SDK1: variants seen among roughly 807,000 people sequenced by gnomAD.
SDK1 encodes sidekick cell adhesion molecule 1.
A neutral mutation model predicts 245.5 loss-of-function variants in SDK1; 157 were observed. That is an observed-to-expected ratio of 0.64 (90% confidence interval 0.56 to 0.73). SDK1 has a LOEUF of 0.73. Ranked by LOEUF, SDK1 falls within the 30% of genes least tolerant of loss-of-function variation. SDK1 has a pLI of 0.00. For synonymous variants in SDK1, 1,647 were observed against 1,278.5 expected (o/e 1.29, Z -6.15); for missense variants, 3,583 against 3,002.3 (o/e 1.19, Z -4.52).
chr7:4,064,438 A>C (rs1028751760), intron 19 of SDK1, among the ~76,000 whole-genome samples: 1 of 152,242 alleles, frequency 6.6e-6, no homozygotes, highest in African/African-American at 2.4e-5. Context: ...AATCATGTGG[A>C]GAACAGGGAA....
At chr7:4,213,496 A>G (rs1289972983) in intron 38 of SDK1, among the ~76,000 whole-genome samples, 1 of 151,714 alleles carries the variant, frequency 6.6e-6, no homozygotes, top group Non-Finnish European at 1.5e-5. Context: ...GAGGCAGGAG[A>G]ATGGGTTGAA....
At chr7:3,495,711 G>A (rs1014120535) in intron 1 of SDK1, among the ~76,000 whole-genome samples, 1 of 152,210 alleles carries the variant, frequency 6.6e-6, no homozygotes, top group African/African-American at 2.4e-5. Flanking sequence ...TTCAGTGTTA[G>A]CTCCCTCCCT....
chr7:3,474,960 G>A (rs1006853268), intron 1 of SDK1, among the ~76,000 whole-genome samples: 2 of 152,086 alleles, frequency 1.3e-5, no homozygotes, highest in African/African-American at 4.8e-5. Context: ...CAAAATTCTG[G>A]AATTGCAGGT....
At chr7:3,936,309 C>A (rs773396727) in intron 5 of SDK1, among the ~76,000 whole-genome samples, 23 of 151,914 alleles carry the variant, frequency 1.5e-4, no homozygotes, top group Non-Finnish European at 3.1e-4. Context: ...GGGCCGGGCA[C>A]GGTGGCTCAC....
rs187164965 is a variant in SDK1, at chr7:3,675,421, A to G, written c.713+33316A>G. Among the ~76,000 whole-genome samples the G allele has an allele frequency of 1.4e-3, 207 of 152,266 alleles. 1 individual carries two copies. Among genetic ancestry groups the G allele is most frequent in the African/African-American group, 4.8e-3 (201 of 41,548 alleles). On this transcript the variant is annotated intron_variant, in intron 4 of 44. Transcript: ENST00000404826. ...TTAGCTAATCTTTTTTTAGAATGTA[A>G]GTTAGATCATGTCAGTCTTCAAAAT...
intron 17 of SDK1, among the ~76,000 whole-genome samples, chr7:4,019,870 G>C (rs929887330): frequency 2.6e-5 from 4 of 152,072 alleles, no homozygotes; most frequent in Non-Finnish European, 5.9e-5. Context: ...GCCCTCCCTT[G>C]TTCCCTTTTA....
chr7:3,539,233 A>G (rs1452078121), intron 1 of SDK1, among the ~76,000 whole-genome samples: 1 of 152,166 alleles, frequency 6.6e-6, no homozygotes, highest in Non-Finnish European at 1.5e-5. Flanking sequence ...GAGTTGGAGC[A>G]TGGCTATAAA....
chr7:3,690,965 A>C (rs2195867), intron 4 of SDK1, among the ~76,000 whole-genome samples: 41,336 of 152,112 alleles, frequency 0.27, 8,507 homozygotes, highest in African/African-American at 0.57. Context: ...GGACTCTGTG[A>C]CCTTCTAGAA....
At chr7:4,021,094 C>T (rs1267543027) in intron 17 of SDK1, among the ~76,000 whole-genome samples, 2 of 152,128 alleles carry the variant, frequency 1.3e-5, no homozygotes, top group African/African-American at 4.8e-5. Context: ...GATGTGAGCA[C>T]CTGCAGTTTG....
At chr7:4,220,067 C>A (rs1460014798) in intron 38 of SDK1, 42 bp from the exon 39 acceptor site, 1 of 1,596,510 alleles carries the variant, frequency 6.3e-7, no homozygotes, top group Non-Finnish European at 8.6e-7. Context: ...GTTGCTTCTC[C>A]AGGCTGAACC....
intron 1 of SDK1, among the ~76,000 whole-genome samples, chr7:3,392,730 TTAA>T (rs1483271736): frequency 6.6e-6 from 1 of 152,148 alleles, no homozygotes; most frequent in African/African-American, 2.4e-5. Context: ...CCTAACTTAT[TTAA>T]TAATTTTATT....
rs1785907621 is a variant in SDK1, at chr7:4,011,042, T to C, written c.2208T>C (p.Ala736=). 1 of 1,614,040 alleles carries C rather than the reference T, an allele frequency of 6.2e-7. No homozygotes were observed. Residue 736 remains alanine, a synonymous_variant, in exon 15 of 45, where the codon GCT becomes GCC. Transcript: ENST00000404826. ...TCACCGTGAGTGGCCTGACTCCGGC[T>C]CGTACCTATCAATTCCGGGTGTGCG... ...TGVTVSGLTP[A]RTYQFRVCAV...
chr7:3,813,178 G>GTATATGTATATGTA (rs1273048906), intron 4 of SDK1, among the ~76,000 whole-genome samples: 1 of 149,926 alleles, frequency 6.7e-6, no homozygotes, highest in Non-Finnish European at 1.5e-5. Context: ...AGTTACATAT[G>GTATATGTATATGTA]TATACATGTG....
Position 3,587,135 on chromosome 7 carries a change from C to G in SDK1, c.299-31945C>G, listed in dbSNP as rs138228183. On this transcript the variant is annotated intron_variant, in intron 1 of 44. Coordinates refer to ENST00000404826, the MANE Select transcript of SDK1 (RefSeq NM_152744.4). The stretch of plus-strand genomic sequence containing the variant: ...AGGGTCCAGAAACAATGGCTAAGTC[C>G]TAACAGAACTCTGCTGTGGACCTAG... Among the ~76,000 whole-genome samples the G allele has an allele frequency of 5.7e-3, 873 of 152,246 alleles. 5 individuals carry two copies. The highest frequency in any genetic ancestry group is 9.3e-3 in the Non-Finnish European group (634 of 68,008).
intron 1 of SDK1, among the ~76,000 whole-genome samples, chr7:3,414,533 GA>G (rs1340867148): frequency 2.0e-5 from 3 of 152,152 alleles, no homozygotes; most frequent in Non-Finnish European, 4.4e-5. Flanking sequence ...CACAAAAAAT[GA>G]AGTTGGCAAA....
chr7:3,403,869 A>T lies in SDK1; in HGVS notation c.298+101985A>T, dbSNP rs867746862. Among the ~76,000 whole-genome samples the T allele has an allele frequency of 6.9e-4, 61 of 88,890 alleles. 1 individual carries two copies. Among genetic ancestry groups the T allele is most frequent in the African/African-American group, 2.2e-3 (50 of 22,252 alleles). The allele number at this position is 88,890 out of a possible 152,430, so 58.3% of individuals were successfully genotyped here. On this transcript the variant is annotated intron_variant, in intron 1 of 44. Transcript: ENST00000404826. ...TATATATATATATATATATATATATAATATATATATTTATTTATATTATAT... is the reference window on the plus strand; with the variant it reads ...TATATATATATATATATATATATATTATATATATATTTATTTATATTATAT...
At chr7:4,043,100 A>C (rs1218842327) in intron 17 of SDK1, among the ~76,000 whole-genome samples, 1 of 92,238 alleles carries the variant, frequency 1.1e-5, no homozygotes, top group Non-Finnish European at 2.0e-5. Context: ...GCCCAGGTAG[A>C]GTGAGTGTCA....
chr7:4,203,533 T>A (rs116206830), intron 35 of SDK1, among the ~76,000 whole-genome samples: 20,336 of 148,622 alleles, frequency 0.14, 1,572 homozygotes, highest in Non-Finnish European at 0.17. Flanking sequence ...ATTTTTTTTT[T>A]AAAAAAAAAA....
chr7:3,693,101 T>C (rs1490496964), intron 4 of SDK1, among the ~76,000 whole-genome samples: 3 of 152,048 alleles, frequency 2.0e-5, no homozygotes, highest in East Asian at 1.9e-4. Context: ...TAATATCTTA[T>C]GTAATAGTGT....
Sources: gnomAD v4.1 joint callset for allele counts (sites outside exome capture counted in the v4.1 genomes callset) on GRCh38, gnomAD v4.1.1 for gene constraint, MANE v1.5 for transcripts, NCBI Gene and HGNC (gene_info 2026-07-23, HGNC 2026-07-21) for gene names.